Variants in AVL9 observed in about 807,000 individuals in gnomAD.
AVL9 encodes AVL9 cell migration associated.
A neutral mutation model predicts 79.2 loss-of-function variants in AVL9; 49 were observed. The observed-to-expected ratio is 0.62, with a 90% CI of 0.49 to 0.79. The LOEUF (loss-of-function observed/expected upper bound fraction) is 0.79. AVL9 is among the 30% of genes least tolerant of loss of function. The pLI is 0.00. For missense variants in AVL9, 682 were observed against 776.8 expected (o/e 0.88, Z 1.45); for synonymous variants, 299 against 280.6 (o/e 1.07, Z -0.65).
chr7:32,508,045 C>T (rs953135717), intron 1 of AVL9, among the ~76,000 whole-genome samples: 3 of 152,162 alleles, frequency 2.0e-5, no homozygotes, highest in African/African-American at 4.8e-5. Flanking sequence ...GCACATGCTC[C>T]AAATCTTATC....
intron 5 of AVL9, among the ~76,000 whole-genome samples, 172 bp downstream of exon 5, chr7:32,551,595 T>C (rs1454569111): frequency 8.0e-6 from 1 of 125,140 alleles, no homozygotes; most frequent in African/African-American, 2.8e-5. Flanking sequence ...AAATACTAAA[T>C]TTAACCAAAC....
At chr7:32,553,583 C>A (rs1398060446) in intron 6 of AVL9, 144 bp from the exon 7 acceptor site, 3 of 624,894 alleles carry the variant, frequency 4.8e-6, no homozygotes, top group Non-Finnish European at 8.5e-6. Context: ...TGTACCTAAT[C>A]AAACATTACA....
At chr7:32,551,597 T>G (rs1006218948) in intron 5 of AVL9, among the ~76,000 whole-genome samples, 174 bp downstream of exon 5, 1 of 143,924 alleles carries the variant, frequency 6.9e-6, no homozygotes, top group Non-Finnish European at 1.5e-5. Context: ...ATACTAAATT[T>G]AACCAAACTT....
intron 3 of AVL9, among the ~76,000 whole-genome samples, chr7:32,547,344 G>A (rs1789563628): frequency 6.6e-6 from 1 of 152,188 alleles, no homozygotes; most frequent in Admixed American, 6.5e-5. Context: ...GGGAAACGCT[G>A]CCTAAAAAAT....
rs907202495 is a variant in AVL9, at chr7:32,587,358, T to C, written c.*3451T>C. On this transcript the variant is annotated 3_prime_UTR_variant, in exon 16 of 16. Coordinates refer to ENST00000318709, the MANE Select transcript of AVL9 (RefSeq NM_015060.3). ...GTTTTAAAGTCACGCTACGGCATTA[T>C]CACCCTGGCAGGTAGGTTTTGTTAT... The C allele has an allele frequency of 6.6e-6, 1 of 152,242 alleles. No homozygotes were observed. Among genetic ancestry groups the C allele is most frequent in the Admixed American group, 6.5e-5 (1 of 15,270 alleles). The allele number at this position is 152,242 out of a possible 1,614,324, so 9.4% of individuals were successfully genotyped here.
intron 3 of AVL9, among the ~76,000 whole-genome samples, chr7:32,545,389 TGAG>T (rs1176625380): frequency 9.1e-6 from 1 of 110,100 alleles, no homozygotes; most frequent in East Asian, 2.9e-4. Flanking sequence ...TTTTTTTTTT[TGAG>T]GAGGAGTCTC....
intron 12 of AVL9, among the ~76,000 whole-genome samples, 200 bp from the exon 13 acceptor site, chr7:32,575,755 G>A (rs1157139836): frequency 1.3e-5 from 2 of 152,156 alleles, no homozygotes; most frequent in Non-Finnish European, 2.9e-5. Context: ...GAGTGATTAA[G>A]TGACTTGCCA....
intron 10 of AVL9, among the ~76,000 whole-genome samples, chr7:32,562,170 C>CA (rs1790359256): frequency 6.6e-6 from 1 of 152,120 alleles, no homozygotes; most frequent in African/African-American, 2.4e-5. Context: ...ATGGCACTGA[C>CA]AGACTTGATG....
intron 1 of AVL9, among the ~76,000 whole-genome samples, chr7:32,496,653 T>C (rs1050985065): frequency 6.6e-6 from 1 of 152,228 alleles, no homozygotes; most frequent in African/African-American, 2.4e-5. Context: ...ATTGAAATGC[T>C]TTTTTGAAGT....
chr7:32,530,957 TA>T (rs891495820), intron 1 of AVL9, among the ~76,000 whole-genome samples: 12 of 148,002 alleles, frequency 8.1e-5, no homozygotes, highest in East Asian at 2.0e-4. Context: ...CTCCACCTAT[TA>T]AAAAAAAAAG....
At chr7:32,566,631 C>T (rs541081801) in intron 10 of AVL9, among the ~76,000 whole-genome samples, 9 of 152,132 alleles carry the variant, frequency 5.9e-5, no homozygotes, top group African/African-American at 1.9e-4. Flanking sequence ...GTAATCCCAA[C>T]ACTTTGGGAG....
Position 32,588,041 on chromosome 7 carries a change from C to G in AVL9, c.*4134C>G, listed in dbSNP as rs1393699888. The G allele has an allele frequency of 6.6e-6, 1 of 152,116 alleles. No homozygotes were observed. Among genetic ancestry groups the G allele is most frequent in the Non-Finnish European group, 1.5e-5 (1 of 68,020 alleles). The allele number at this position is 152,116 out of a possible 1,614,324, so 9.4% of individuals were successfully genotyped here. ...CTCTAAATACATTTGTATTTCTGTGCTGTTCTAAAGTTTACCTTTTTACTT... is the reference window on the plus strand; with the variant it reads ...CTCTAAATACATTTGTATTTCTGTGGTGTTCTAAAGTTTACCTTTTTACTT... On this transcript the variant is annotated 3_prime_UTR_variant, in exon 16 of 16. Transcript: ENST00000318709.
intron 1 of AVL9, among the ~76,000 whole-genome samples, chr7:32,528,866 C>T (rs529766752): frequency 3.6e-4 from 55 of 151,986 alleles, no homozygotes; most frequent in South Asian, 1.2e-3. Context: ...AAAAATTAGC[C>T]GGGCATGGTG....
At chr7:32,543,935 A>C (rs1219533856) in intron 2 of AVL9, among the ~76,000 whole-genome samples, 2 of 149,666 alleles carry the variant, frequency 1.3e-5, no homozygotes, top group African/African-American at 2.5e-5. Context: ...TGGAGATGGA[A>C]TCTCACTATG....
At chr7:32,568,210 T>TTA (rs1790669876) in intron 10 of AVL9, among the ~76,000 whole-genome samples, 5 of 149,786 alleles carry the variant, frequency 3.3e-5, no homozygotes, top group African/African-American at 1.2e-4. Flanking sequence ...TATTTATTTT[T>TTA]TTTTTTTTGA....
intron 11 of AVL9, among the ~76,000 whole-genome samples, chr7:32,572,303 A>G (rs1336587815): frequency 1.3e-5 from 2 of 151,456 alleles, no homozygotes; most frequent in East Asian, 1.9e-4. Flanking sequence ...TATAATCCCA[A>G]ATTTGAAGAA....
In AVL9 at chr7:32,539,623, A is replaced by C. The variant is rs78529154; in HGVS notation, c.94-3518A>C. Among the ~76,000 whole-genome samples, 26 of 152,328 alleles carry C rather than the reference A, an allele frequency of 1.7e-4. 1 individual carries two copies. The East Asian group carries it at 5.0e-3, about 29-fold the overall frequency. On this transcript the variant is annotated intron_variant, in intron 1 of 15. Transcript: ENST00000318709. ...GTTGACTGATATTCTACTTGCTTTT[A>C]AAATTTAACAGTATTTATTAGTTTT... is the stretch of plus-strand genomic sequence containing the variant.
intron 1 of AVL9, among the ~76,000 whole-genome samples, chr7:32,504,040 G>A (rs960060513): frequency 4.6e-5 from 7 of 152,204 alleles, no homozygotes; most frequent in African/African-American, 9.6e-5. Context: ...GACGGTATTA[G>A]GAATGTGTTA....
chr7:32,522,057 G>T (rs1207587710), intron 1 of AVL9, among the ~76,000 whole-genome samples: 1 of 152,218 alleles, frequency 6.6e-6, no homozygotes, highest in Non-Finnish European at 1.5e-5. Context: ...GAAATGTCTA[G>T]ATGCCCAGGC....
Sources: gnomAD v4.1 joint callset for allele counts (sites outside exome capture counted in the v4.1 genomes callset) on GRCh38, gnomAD v4.1.1 for gene constraint, MANE v1.5 for transcripts, NCBI Gene and HGNC (gene_info 2026-07-23, HGNC 2026-07-21) for gene names.